IRAG1: variants seen among roughly 807,000 people sequenced by gnomAD.
IRAG1 encodes IP3R-associated cGMP kinase substrate.
In IRAG1, 62 loss-of-function variants were observed where a neutral mutation model predicts 106.2. The ratio of observed to expected loss-of-function variants is 0.58; its 90% CI spans 0.48 to 0.72. IRAG1 has a LOEUF of 0.72. Ranked by LOEUF, IRAG1 falls within the 30% of genes least tolerant of loss-of-function variation. The pLI is 0.00. For synonymous variants in IRAG1, 462 were observed against 443.9 expected (o/e 1.04, Z -0.51); for missense variants, 1,064 against 1,140.7 (o/e 0.93, Z 0.97).
intron 10 of IRAG1, chr11:10,611,631 A>G (rs1391960942): frequency 1.3e-5 from 2 of 152,210 alleles, no homozygotes; most frequent in Non-Finnish European, 2.9e-5. Context: ...GATACAAGAA[A>G]AGGCAATAGT....
At chr11:10,638,695 T>C (rs893347247) in intron 2 of IRAG1, among the ~76,000 whole-genome samples, 2 of 152,204 alleles carry the variant, frequency 1.3e-5, no homozygotes, top group Admixed American at 6.5e-5. Context: ...CATTCTATCA[T>C]ATGGTTTCCA....
chr11:10,588,526 T>G (rs1331489837), intron 18 of IRAG1, among the ~76,000 whole-genome samples: 1 of 152,186 alleles, frequency 6.6e-6, no homozygotes, highest in African/African-American at 2.4e-5. Flanking sequence ...ATTTTTATAT[T>G]TTTTGTAGAG....
chr11:10,623,245 A>G (rs1855975974), intron 10 of IRAG1, among the ~76,000 whole-genome samples: 2 of 152,160 alleles, frequency 1.3e-5, no homozygotes, highest in Non-Finnish European at 2.9e-5. Flanking sequence ...TACTGAGAAC[A>G]TCGGCAGAGG....
At chr11:10,607,360 C>A (rs1033407322) in intron 11 of IRAG1, among the ~76,000 whole-genome samples, 1 of 152,156 alleles carries the variant, frequency 6.6e-6, no homozygotes, top group Admixed American at 6.5e-5. Context: ...GGGTTCTTCT[C>A]CACAGCAAGA....
At position 10,665,138 on chromosome 11, in the gene IRAG1, C is replaced by CCCTAAT. The variant is rs1859692024; in HGVS notation, c.68-12957_68-12956insATTAGG. Among the ~76,000 whole-genome samples the CCCTAAT allele has an allele frequency of 6.6e-6, 1 of 151,868 alleles. No homozygotes were observed. The highest frequency in any genetic ancestry group is 1.5e-5 in the Non-Finnish European group (1 of 67,986). On this transcript the variant is annotated intron_variant, in intron 1 of 20. Coordinates refer to ENST00000423302, the MANE Select transcript of IRAG1 (RefSeq NM_130385.4). The surrounding 1 kb of genome is among the most constrained non-coding windows in gnomAD (Gnocchi z 4.2). ...TACTGTGCTGCTTACCTAACCCTAA[C>CCCTAAT]CCTAACCCTAACCCTGAGAGTTTAA... is the stretch of plus-strand genomic sequence containing the variant.
At chr11:10,581,770 T>C (rs1043326151) in intron 19 of IRAG1, 97 bp downstream of exon 19, 2 of 1,458,650 alleles carry the variant, frequency 1.4e-6, no homozygotes, top group African/African-American at 2.8e-5. Context: ...CGGCCACTGG[T>C]TACTTCCCTA....
intron 1 of IRAG1, chr11:10,652,461 A>C: frequency 2.9e-6 from 2 of 701,618 alleles, no homozygotes; most frequent in Non-Finnish European, 4.3e-6. Flanking sequence ...GAACTCCTCA[A>C]AGCTGTAGCT....
At chr11:10,606,802 G>A in intron 11 of IRAG1, 30 bp from the exon 12 acceptor site, 1 of 1,563,114 alleles carries the variant, frequency 6.4e-7, no homozygotes, top group Non-Finnish European at 8.7e-7. Flanking sequence ...CAATTGAACT[G>A]TGTGCAACCT....
chr11:10,609,689 T>A (rs1564905957), intron 11 of IRAG1, 39 bp downstream of exon 11: 1 of 1,570,856 alleles, frequency 6.4e-7, no homozygotes, highest in East Asian at 2.2e-5. Context: ...CAGGGGCCAC[T>A]CGGTACAGGG....
chr11:10,593,981 G>T (rs1363385624), intron 16 of IRAG1, 165 bp downstream of exon 16: 3 of 656,424 alleles, frequency 4.6e-6, no homozygotes, highest in Non-Finnish European at 2.7e-6. Context: ...AGCAAGAAAG[G>T]TAAGATGTCA....
chr11:10,692,896 G>A (rs1862170955), intron 1 of IRAG1, among the ~76,000 whole-genome samples: 1 of 152,220 alleles, frequency 6.6e-6, no homozygotes, highest in South Asian at 2.1e-4. Context: ...CTTCAACTCG[G>A]AGCCCTGGAG....
intron 1 of IRAG1, among the ~76,000 whole-genome samples, chr11:10,666,603 C>T (rs1859803793): frequency 6.6e-6 from 1 of 152,242 alleles, no homozygotes; most frequent in Non-Finnish European, 1.5e-5. Flanking sequence ...TCTTTGTTAA[C>T]CTGCAGTTTG....
intron 7 of IRAG1, 86 bp from the exon 8 acceptor site, chr11:10,627,846 A>G (rs993685837): frequency 2.5e-5 from 40 of 1,592,536 alleles, no homozygotes; most frequent in Non-Finnish European, 3.4e-5. Context: ...GCCCCCTAGC[A>G]GTGGTGTTCA....
intron 1 of IRAG1, among the ~76,000 whole-genome samples, chr11:10,683,313 A>G (rs1861410515): frequency 6.6e-6 from 1 of 151,966 alleles, no homozygotes; most frequent in African/African-American, 2.4e-5. Context: ...TCTAGTTTTA[A>G]CCAAACCTAC....
chr11:10,634,950 C>G, intron 2 of IRAG1, among the ~76,000 whole-genome samples: 1 of 152,106 alleles, frequency 6.6e-6, no homozygotes, highest in Non-Finnish European at 1.5e-5. Context: ...CCTTTATTCC[C>G]CAGCAGGCCC....
chr11:10,597,870 C>G (rs72862327), intron 15 of IRAG1, among the ~76,000 whole-genome samples: 3,112 of 152,244 alleles, frequency 0.02, 38 homozygotes, highest in African/African-American at 0.032. Context: ...GTCTGTCTCT[C>G]CAGAGTACTT....
At chr11:10,621,197 G>C (rs1394876825) in intron 10 of IRAG1, among the ~76,000 whole-genome samples, 1 of 152,152 alleles carries the variant, frequency 6.6e-6, no homozygotes, top group Non-Finnish European at 1.5e-5. Flanking sequence ...TTTAAAGATG[G>C]TTATTTAAAA....
rs1591640769 is a variant in IRAG1 at position 10,632,046 on chromosome 11, G to T, written c.345C>A (p.His115Gln). The T allele has an allele frequency of 6.2e-7, 1 of 1,613,736 alleles. No individual in the cohort carries two copies. The highest frequency in any genetic ancestry group is 8.5e-7 in the Non-Finnish European group (1 of 1,179,696). Residue 115 changes from histidine (H) to glutamine (Q), a missense_variant, in exon 4 of 21, where the codon CAC (histidine) becomes CAA (glutamine). His to Gln is a conservative substitution (Grantham distance 24). Transcript: ENST00000423302. ...TCAAGTGTCGGTGAGAAAGCCTCTT[G>T]TGGGGACTGTGAACTCTGAAAGACA... ...KNLANRVHSP[H>Q]KRLSHRHLKV... is the part of the protein sequence containing the mutation.
At chr11:10,687,123 G>A (rs1236651782) in intron 1 of IRAG1, among the ~76,000 whole-genome samples, 2 of 152,182 alleles carry the variant, frequency 1.3e-5, no homozygotes, top group Non-Finnish European at 2.9e-5. Flanking sequence ...AGGGAGGAGA[G>A]GGGGTGCCCA....
Sources: gnomAD v4.1 joint callset for allele counts (sites outside exome capture counted in the v4.1 genomes callset) on GRCh38, gnomAD v4.1.1 for gene constraint, Gnocchi (gnomAD v3.1) non-coding constraint, MANE v1.5 for transcripts, NCBI Gene and HGNC (gene_info 2026-07-23, HGNC 2026-07-21) for gene names.